Variants in SETX observed in about 807,000 individuals in gnomAD.
The protein encoded by SETX is helicase senataxin.
Under a neutral mutation model 227.2 loss-of-function variants are expected in SETX, and 90 were observed. The observed-to-expected ratio is 0.40, with a 90% confidence interval of 0.33 to 0.47. The LOEUF is 0.47. Among genes scored for constraint, SETX ranks in the 20% least tolerant of loss-of-function variants. The pLI is 0.91. For missense variants in SETX, 3,052 were observed against 3,181.5 expected (o/e 0.96, Z 0.98); for synonymous variants, 1,210 against 1,113.2 (o/e 1.09, Z -1.73).
chr9:132,292,103 A>T (rs1342582449), intron 15 of SETX, among the ~76,000 whole-genome samples: 1 of 152,044 alleles, frequency 6.6e-6, no homozygotes, highest in Non-Finnish European at 1.5e-5. Context: ...ATACTTTCCT[A>T]CCCCTAAGCC....
chr9:132,307,825 T>C (rs1845422661), intron 11 of SETX, among the ~76,000 whole-genome samples: 1 of 152,066 alleles, frequency 6.6e-6, no homozygotes, highest in Non-Finnish European at 1.5e-5. Flanking sequence ...ACTACAGGTA[T>C]GCGCCACCAT....
intron 11 of SETX, among the ~76,000 whole-genome samples, chr9:132,309,199 T>C (rs1845503906): frequency 6.6e-6 from 1 of 152,150 alleles, no homozygotes; most frequent in South Asian, 2.1e-4. Flanking sequence ...TTATTAAAAC[T>C]TCTTATAAAG....
chr9:132,338,872 C>T (rs1403074070), intron 5 of SETX, among the ~76,000 whole-genome samples: 2 of 152,152 alleles, frequency 1.3e-5, no homozygotes, highest in Non-Finnish European at 1.5e-5. Flanking sequence ...ATCCTCCCAC[C>T]TTAGCCTCCT....
At chr9:132,278,809 C>G (rs761755038) in intron 20 of SETX, among the ~76,000 whole-genome samples, 2 of 152,188 alleles carry the variant, frequency 1.3e-5, no homozygotes, top group Non-Finnish European at 2.9e-5. Context: ...CCCTCACAGA[C>G]AGACATATTG....
intron 11 of SETX, among the ~76,000 whole-genome samples, chr9:132,303,736 CTG>C (rs1482810825): frequency 2.6e-5 from 4 of 152,230 alleles, no homozygotes; most frequent in African/African-American, 9.6e-5. Context: ...GCCAGTAAGT[CTG>C]TGAAAAGATG....
intron 12 of SETX, 59 bp downstream of exon 12, chr9:132,300,571 T>A: frequency 6.5e-7 from 1 of 1,536,874 alleles, no homozygotes; most frequent in Non-Finnish European, 9.0e-7. Flanking sequence ...AATTGAGAAG[T>A]AGATTATTAG....
At chr9:132,343,333 A>C (rs760523644) in intron 4 of SETX, among the ~76,000 whole-genome samples, 25 of 152,256 alleles carry the variant, frequency 1.6e-4, no homozygotes, top group Middle Eastern at 3.4e-3. Flanking sequence ...ACAACAACAA[A>C]AAAAAGAATG....
At chr9:132,275,082 A>T (rs542184589) in intron 23 of SETX, 174 bp downstream of exon 23, 3 of 657,718 alleles carry the variant, frequency 4.6e-6, no homozygotes, top group Non-Finnish European at 8.0e-6. Flanking sequence ...TAACCTGTCT[A>T]CCCAGGAGCC....
chr9:132,329,477 T>C lies in SETX; in HGVS notation c.2121A>G (p.Ile707Met). 1.9e-6 allele frequency: 3 copies of C among 1,612,544 alleles called. No homozygotes were observed. The highest frequency in any genetic ancestry group is 1.7e-6 in the Non-Finnish European group (2 of 1,179,850). Residue 707 changes from isoleucine (I) to methionine (M), a missense_variant, in exon 10 of 26, where the codon ATA becomes ATG. Physicochemically the swap from Ile to Met is conservative, Grantham distance 10. Transcript: ENST00000224140. ...FTERAEDQIK[I>M]STRKQKSVKE... Reference sequence around the variant, plus strand: ...TTACAGACTTCTGCTTCCTTGTACTTATTTTAATTTGATCTTCAGCTCTTT... The same window carrying C: ...TTACAGACTTCTGCTTCCTTGTACTCATTTTAATTTGATCTTCAGCTCTTT...
intron 15 of SETX, among the ~76,000 whole-genome samples, chr9:132,291,458 G>A (rs1306650713): frequency 1.3e-5 from 2 of 152,026 alleles, no homozygotes; most frequent in Admixed American, 6.6e-5. Context: ...GAGCCACCTC[G>A]CCCGGCCTGA....
Position 132,286,493 on chromosome 9 carries a change from C to T in SETX, c.6326G>A (p.Arg2109Lys), listed in dbSNP as rs1843906304. Residue 2109 changes from arginine (R) to lysine (K), a missense_variant and splice_region_variant, in exon 18 of 26, where the codon AGG (arginine) becomes AAG (lysine). By Grantham distance (26) the Arg-to-Lys change is conservative. Around this residue, in one of 10 missense-constraint regions of SETX, gnomAD observed 412 missense variants for 589.0 expected, o/e 0.70. Transcript: ENST00000224140. ...GGAAATGTTTTCATCTAATTCTTGC[C>T]TCTGGAAAAAAATTCAAATGTCACA... ...ALCRGGREIQ[R>K]QELDENISKV... The T allele has an allele frequency of 6.2e-7, 1 of 1,612,484 alleles. No individual in the cohort carries two copies. The highest frequency in any genetic ancestry group is 8.5e-7 in the Non-Finnish European group (1 of 1,178,876).
At chr9:132,352,044 A>C (rs1031305987) in intron 2 of SETX, among the ~76,000 whole-genome samples, 9 of 152,216 alleles carry the variant, frequency 5.9e-5, no homozygotes, top group Admixed American at 2.6e-4. Context: ...TTCAAATAAC[A>C]ATCTCTTTCT....
chr9:132,289,119 G>A (rs1490222202), intron 15 of SETX, among the ~76,000 whole-genome samples: 1 of 152,174 alleles, frequency 6.6e-6, no homozygotes, highest in Non-Finnish European at 1.5e-5. Flanking sequence ...CCTCTGAGGA[G>A]TAAAGCCTTC....
At chr9:132,275,652 G>T (rs1227398268) in intron 22 of SETX, among the ~76,000 whole-genome samples, 1 of 152,178 alleles carries the variant, frequency 6.6e-6, no homozygotes, top group African/African-American at 2.4e-5. Flanking sequence ...GAAATGCCCA[G>T]TGAAAAATGA....
At chr9:132,294,441 T>C (rs1279573096) in intron 15 of SETX, among the ~76,000 whole-genome samples, 4 of 152,258 alleles carry the variant, frequency 2.6e-5, no homozygotes, top group Non-Finnish European at 5.9e-5. Flanking sequence ...TGACTGCAGC[T>C]ATTCACAAAA....
At chr9:132,316,809 T>C (rs1430545761) in intron 10 of SETX, among the ~76,000 whole-genome samples, 1 of 152,196 alleles carries the variant, frequency 6.6e-6, no homozygotes, top group African/African-American at 2.4e-5. Context: ...GCCACTCTCG[T>C]ATGTGTCTAT....
Position 132,264,171 on chromosome 9 carries a change from G to A in SETX, c.*68C>T, listed in dbSNP as rs1177162969. The A allele has an allele frequency of 3.7e-5, 60 of 1,604,252 alleles. No homozygotes were observed. The highest frequency in any genetic ancestry group is 1.7e-5 in the Non-Finnish European group (20 of 1,176,152). On this transcript the variant is annotated 3_prime_UTR_variant, in exon 26 of 26. Coordinates refer to ENST00000224140, the MANE Select transcript of SETX (RefSeq NM_015046.7). ...TTACAAAAAACAAGCTTATCTAGATGGTCCCACGAGCTGGTCATCTTCAGT... is the reference window on the plus strand; with the variant it reads ...TTACAAAAAACAAGCTTATCTAGATAGTCCCACGAGCTGGTCATCTTCAGT...
intron 10 of SETX, among the ~76,000 whole-genome samples, chr9:132,317,716 G>A (rs565491828): frequency 1.5e-3 from 222 of 151,880 alleles, no homozygotes; most frequent in Non-Finnish European, 2.7e-3. Context: ...TCTGGCCTCT[G>A]CCTCCCAAAA....
chr9:132,291,110 G>A (rs887154695), intron 15 of SETX, among the ~76,000 whole-genome samples: 3 of 147,718 alleles, frequency 2.0e-5, no homozygotes, highest in Admixed American at 2.0e-4. Flanking sequence ...TCCCAGTTCA[G>A]CTCATTTTCC....
Sources: allele counts gnomAD v4.1 joint callset (sites outside exome capture counted in the v4.1 genomes callset), GRCh38; gene constraint gnomAD v4.1.1; regional missense constraint gnomAD v4.1.1; transcripts MANE v1.5; gene names NCBI Gene and HGNC (gene_info 2026-07-23, HGNC 2026-07-21).